DENND6A: variants seen among roughly 807,000 people sequenced by gnomAD.
DENND6A encodes the protein DENN domain containing 6A.
A neutral mutation model predicts 95.5 loss-of-function variants in DENND6A; 43 were observed. The ratio of observed to expected loss-of-function variants is 0.45; its 90% CI spans 0.35 to 0.58. The LOEUF (loss-of-function observed/expected upper bound fraction) is 0.58. Among genes scored for constraint, DENND6A ranks in the 20% least tolerant of loss-of-function variants. The pLI, the probability that DENND6A is intolerant of heterozygous loss-of-function variation, is 0.00. For synonymous variants in DENND6A, 257 were observed against 260.4 expected, an observed-to-expected ratio of 0.99 and a Z score of 0.13; for missense variants, 574 against 736.0, an observed-to-expected ratio of 0.78 and a Z score of 2.55.
intron 1 of DENND6A, among the ~76,000 whole-genome samples, chr3:57,686,913 T>A (rs1381045370): frequency 6.6e-6 from 1 of 152,168 alleles, no homozygotes; most frequent in African/African-American, 2.4e-5. Flanking sequence ...AATCAAAAGC[T>A]AGAAATGATT....
At chr3:57,689,480 A>G (rs562118549) in intron 1 of DENND6A, among the ~76,000 whole-genome samples, 1 of 152,348 alleles carries the variant, frequency 6.6e-6, no homozygotes, top group Non-Finnish European at 1.5e-5. Context: ...TAATGCCTCC[A>G]GAGCCACTTC....
At chr3:57,670,473 A>T (rs1383163615) in intron 3 of DENND6A, among the ~76,000 whole-genome samples, 1 of 152,202 alleles carries the variant, frequency 6.6e-6, no homozygotes, top group Non-Finnish European at 1.5e-5. Flanking sequence ...AGCAAGGCTT[A>T]TTTATGCAGA....
intron 10 of DENND6A, 143 bp downstream of exon 10, chr3:57,646,173 T>G (rs1219297507): frequency 8.3e-7 from 1 of 1,201,788 alleles, no homozygotes; most frequent in African/African-American, 1.5e-5. Flanking sequence ...AAGCATTACC[T>G]TCTGATAGGG....
At chr3:57,679,977 G>A (rs1312791107) in intron 1 of DENND6A, among the ~76,000 whole-genome samples, 1 of 152,202 alleles carries the variant, frequency 6.6e-6, no homozygotes, top group East Asian at 1.9e-4. Flanking sequence ...TGAGAAACTA[G>A]AACTGTTAGA....
At chr3:57,632,165 G>A (rs1356171773) in intron 15 of DENND6A, among the ~76,000 whole-genome samples, 1 of 150,636 alleles carries the variant, frequency 6.6e-6, no homozygotes, top group Non-Finnish European at 1.5e-5. Context: ...GACTACAGGT[G>A]CGTGCCACCA....
chr3:57,645,185 G>C (rs145054873), intron 11 of DENND6A, among the ~76,000 whole-genome samples: 1 of 152,146 alleles, frequency 6.6e-6, no homozygotes, highest in East Asian at 1.9e-4. Context: ...CACGTGGGCC[G>C]GGTGTGGTGG....
intron 9 of DENND6A, among the ~76,000 whole-genome samples, chr3:57,646,644 C>T (rs2071086880): frequency 6.6e-6 from 1 of 152,156 alleles, no homozygotes; most frequent in South Asian, 2.1e-4. Flanking sequence ...ATCAATTTGA[C>T]TCATCCTAAT....
intron 1 of DENND6A, among the ~76,000 whole-genome samples, chr3:57,687,241 A>T (rs2077219053): frequency 6.6e-6 from 1 of 152,220 alleles, no homozygotes; most frequent in South Asian, 2.1e-4. Flanking sequence ...CCTTACTGCT[A>T]ATGTGGAGAA....
chr3:57,675,360 T>C (rs1471181364), intron 1 of DENND6A, among the ~76,000 whole-genome samples: 1 of 152,178 alleles, frequency 6.6e-6, no homozygotes, highest in Non-Finnish European at 1.5e-5. Flanking sequence ...TAGCCTATAA[T>C]CTAAAGAGAA....
chr3:57,692,873 C>G lies in DENND6A; in HGVS notation c.146G>C (p.Gly49Ala). ...PEDDEEDDGR[G>A]RGLLRWDSFS... is the part of the protein sequence containing the mutation. The stretch of plus-strand genomic sequence containing the variant: ...GCTGTCCCAGCGCAGCAGGCCCCGG[C>G]CACGGCCATCGTCCTCTTCATCGTC... The change falls in exon 1 of 20, where the codon GGC (glycine) becomes GCC (alanine). Residue 49 changes from glycine (G) to alanine (A), a missense_variant. By Grantham distance (60) the Gly-to-Ala change is moderately conservative (BLOSUM62 0). Coordinates refer to ENST00000311128, the MANE Select transcript of DENND6A (RefSeq NM_152678.3). 1 of 1,585,402 alleles carries G rather than the reference C, an allele frequency of 6.3e-7. No homozygotes were observed.
chr3:57,683,882 G>A lies in DENND6A; in HGVS notation c.237+8900C>T, dbSNP rs370627889. The stretch of plus-strand genomic sequence containing the variant: ...GTTCCAGTTCCCTTATTTAAAAAGT[G>A]TTTAGCTCATGCCTGTAATTTCAGC... On this transcript the variant is annotated intron_variant, in intron 1 of 19. Coordinates refer to ENST00000311128, the MANE Select transcript of DENND6A (RefSeq NM_152678.3). Among the ~76,000 whole-genome samples, 16 of 152,204 alleles carry A rather than the reference G, an allele frequency of 1.1e-4. No homozygotes were observed. In the South Asian group the frequency reaches 2.1e-3, roughly 20 times the overall value.
chr3:57,645,317 C>T (rs537075190), intron 11 of DENND6A, among the ~76,000 whole-genome samples: 12 of 151,940 alleles, frequency 7.9e-5, no homozygotes, highest in Admixed American at 3.3e-4. Flanking sequence ...AAAAATTAGC[C>T]GGGCGTGGTG....
At chr3:57,684,947 T>C (rs2077199047) in intron 1 of DENND6A, among the ~76,000 whole-genome samples, 3 of 152,012 alleles carry the variant, frequency 2.0e-5, no homozygotes, top group South Asian at 4.1e-4. Flanking sequence ...TAATCAGGCA[T>C]GGTGGCACAC....
chr3:57,685,939 A>C (rs2077208286), intron 1 of DENND6A, among the ~76,000 whole-genome samples: 1 of 152,196 alleles, frequency 6.6e-6, no homozygotes, highest in African/African-American at 2.4e-5. Flanking sequence ...TTTACAAGAA[A>C]AACAGAAAAG....
At chr3:57,642,730 C>T (rs959076441) in intron 11 of DENND6A, among the ~76,000 whole-genome samples, 6 of 151,998 alleles carry the variant, frequency 3.9e-5, no homozygotes, top group Non-Finnish European at 4.4e-5. Context: ...ATCGGCCAGG[C>T]GCGGTGGCTC....
Position 57,660,777 on chromosome 3 carries a change from T to C in DENND6A, c.682A>G (p.Met228Val). Residue 228 changes from methionine (M) to valine (V), a missense_variant, in exon 7 of 20, where the codon ATG becomes GTG. Met to Val is a conservative substitution (Grantham distance 21). This residue lies in a region of DENND6A where 452 missense variants were observed against 630.9 expected (regional missense o/e 0.72). Transcript: ENST00000311128. Reference sequence around the variant, plus strand: ...GATATTACCTTCATTACCACCCCCATGATTGGCAGGTGTAATGTTTTCCCT... The same window carrying C: ...GATATTACCTTCATTACCACCCCCACGATTGGCAGGTGTAATGTTTTCCCT... ...VPGKTLHLPI[M>V]GVVMKVRIPT... is the part of the protein sequence containing the mutation. 1 of 1,608,826 alleles carries C rather than the reference T, an allele frequency of 6.2e-7. No individual in the cohort carries two copies. The highest frequency in any genetic ancestry group is 1.1e-5 in the South Asian group (1 of 90,060).
intron 3 of DENND6A, among the ~76,000 whole-genome samples, chr3:57,671,220 C>T (rs1459353672): frequency 1.3e-5 from 2 of 152,114 alleles, no homozygotes; most frequent in African/African-American, 4.8e-5. Flanking sequence ...AATGAACTAA[C>T]TAGCACAATA....
Position 57,689,792 on chromosome 3 carries a change from G to A in DENND6A, c.237+2990C>T, listed in dbSNP as rs148399203. ...AAAGATCAGAGAAGGGCTGGGCATG[G>A]TGGCTCAACACCTATAATCCCAGCA... On this transcript the variant is annotated intron_variant, in intron 1 of 19. Transcript: ENST00000311128. 3.1e-3 allele frequency among the ~76,000 whole-genome samples: 467 copies of A among 152,262 alleles called. 2 individuals are homozygous for A. Among genetic ancestry groups the A allele is most frequent in the African/African-American group, 0.011 (442 of 41,534 alleles).
At chr3:57,689,921 G>A (rs1417703436) in intron 1 of DENND6A, among the ~76,000 whole-genome samples, 5 of 151,648 alleles carry the variant, frequency 3.3e-5, no homozygotes, top group African/African-American at 9.7e-5. Flanking sequence ...AAAAATAGCC[G>A]GGTGTAGTGG....
Sources: allele counts gnomAD v4.1 joint callset (sites outside exome capture counted in the v4.1 genomes callset), GRCh38; gene constraint gnomAD v4.1.1; regional missense constraint gnomAD v4.1.1; transcripts MANE v1.5; gene names NCBI Gene and HGNC (gene_info 2026-07-23, HGNC 2026-07-21).